Variants in TNR observed in about 807,000 individuals in gnomAD.
TNR encodes tenascin R.
TNR carries 45 observed loss-of-function variants against 150.4 expected under a neutral mutation model. The observed-to-expected ratio is 0.30, with a 90% CI of 0.24 to 0.38. TNR has a LOEUF of 0.38. Among genes scored for constraint, TNR ranks in the 10% least tolerant of loss-of-function variants. The pLI, the probability that TNR is intolerant of heterozygous loss-of-function variation, is 1.00. For missense variants in TNR, 1,544 were observed against 1,759.1 expected, an observed-to-expected ratio of 0.88 and a Z score of 2.19; for synonymous variants, 687 against 678.4, an observed-to-expected ratio of 1.01 and a Z score of -0.20.
At position 175,528,330 on chromosome 1, in the gene TNR, A is replaced by C. The variant is rs1659929549; in HGVS notation, c.-125T>G. The C allele has an allele frequency of 6.6e-6, 1 of 152,202 alleles. No individual in the cohort carries two copies. The highest frequency in any genetic ancestry group is 1.5e-5 in the Non-Finnish European group (1 of 68,032). 9.4% of individuals were successfully genotyped at this position (152,202 alleles called of 1,614,324 possible). A position where few individuals can be genotyped will look rare whatever the true frequency, so the allele number is the denominator to read the frequency against. On this transcript the variant is annotated 5_prime_UTR_variant, in exon 2 of 23. Coordinates refer to ENST00000367674, the MANE Select transcript of TNR (RefSeq NM_003285.3). Reference sequence around the variant, plus strand: ...GCACTTTCTTTAATCCTAATTCCAAAAGAGACCTGCCCTCTATGCAGTTAA... The same window carrying C: ...GCACTTTCTTTAATCCTAATTCCAACAGAGACCTGCCCTCTATGCAGTTAA...
At chr1:175,543,931 G>A (rs1014033601) in intron 1 of TNR, among the ~76,000 whole-genome samples, 1 of 152,078 alleles carries the variant, frequency 6.6e-6, no homozygotes, top group Non-Finnish European at 1.5e-5. Context: ...AAGAGCATTT[G>A]GGCAGAGAGA....
intron 1 of TNR, among the ~76,000 whole-genome samples, chr1:175,729,532 G>A (rs1044633296): frequency 6.6e-6 from 1 of 151,740 alleles, no homozygotes; most frequent in Non-Finnish European, 1.5e-5. Context: ...GGCCTCTAAC[G>A]ATCCCCTACC....
chr1:175,582,661 T>C (rs553388633), intron 1 of TNR, among the ~76,000 whole-genome samples: 1 of 152,316 alleles, frequency 6.6e-6, no homozygotes, highest in South Asian at 2.1e-4. Flanking sequence ...AGTATCAGTG[T>C]TCTTGCCTGG....
chr1:175,525,573 G>A (rs538659400), intron 2 of TNR, among the ~76,000 whole-genome samples: 1 of 152,220 alleles, frequency 6.6e-6, no homozygotes, highest in Non-Finnish European at 1.5e-5. Context: ...TCTGGGGTGA[G>A]TTTTGGACTG....
intron 2 of TNR, among the ~76,000 whole-genome samples, chr1:175,473,220 T>C (rs77285782): frequency 0.018 from 2,777 of 152,272 alleles, 38 homozygotes; most frequent in South Asian, 0.039. Flanking sequence ...GCACAAGATC[T>C]CTTCATACAG....
intron 21 of TNR, among the ~76,000 whole-genome samples, chr1:175,327,561 A>G (rs1489110813): frequency 6.6e-6 from 1 of 152,026 alleles, no homozygotes; most frequent in African/African-American, 2.4e-5. Flanking sequence ...TTAAGACTGA[A>G]TTCCTCTGCC....
At chr1:175,593,046 C>A (rs1290179138) in intron 1 of TNR, among the ~76,000 whole-genome samples, 1 of 152,148 alleles carries the variant, frequency 6.6e-6, no homozygotes, top group East Asian at 1.9e-4. Context: ...CATTGCATCT[C>A]TGACTGGGGG....
intron 5 of TNR, among the ~76,000 whole-genome samples, chr1:175,394,379 C>G (rs1026388969): frequency 2.0e-5 from 3 of 152,168 alleles, no homozygotes; most frequent in Admixed American, 2.0e-4. Flanking sequence ...AGTTGTGGAG[C>G]AAACCAGTTT....
chr1:175,531,026 T>A (rs1265871226), intron 1 of TNR, among the ~76,000 whole-genome samples: 1 of 152,140 alleles, frequency 6.6e-6, no homozygotes, highest in Non-Finnish European at 1.5e-5. Context: ...GAGAGGGACA[T>A]GGGAACTTGT....
intron 1 of TNR, among the ~76,000 whole-genome samples, chr1:175,670,099 C>T (rs182540675): frequency 2.9e-4 from 44 of 152,332 alleles, no homozygotes; most frequent in African/African-American, 1.0e-3. Flanking sequence ...CAGGAACAGG[C>T]CACTTTGAGT....
chr1:175,656,657 A>G (rs1435651194), intron 1 of TNR: 1 of 152,430 alleles, frequency 6.6e-6, no homozygotes, highest in Non-Finnish European at 1.5e-5. Flanking sequence ...TGCCTGTAGT[A>G]TGACAGCTCA....
At chr1:175,548,128 C>A (rs746508553) in intron 1 of TNR, among the ~76,000 whole-genome samples, 4 of 152,178 alleles carry the variant, frequency 2.6e-5, no homozygotes, top group Non-Finnish European at 5.9e-5. Flanking sequence ...GACCATGCAT[C>A]TGGCACAACT....
At chr1:175,417,738 G>A (rs896186132) in intron 2 of TNR, among the ~76,000 whole-genome samples, 2 of 151,936 alleles carry the variant, frequency 1.3e-5, no homozygotes, top group African/African-American at 4.8e-5. Context: ...CAGAATACCA[G>A]ATAAATTTAT....
chr1:175,425,745 A>AT (rs905236232), intron 2 of TNR, among the ~76,000 whole-genome samples: 41 of 151,090 alleles, frequency 2.7e-4, no homozygotes, highest in South Asian at 6.3e-4. Flanking sequence ...AAAGAGTAGC[A>AT]TTTTTTTTTC....
chr1:175,336,885 G>A (rs1439695616), intron 19 of TNR, among the ~76,000 whole-genome samples: 2 of 152,148 alleles, frequency 1.3e-5, no homozygotes, highest in African/African-American at 4.8e-5. Flanking sequence ...TCAACTGCCT[G>A]TTTGTTTGCT....
intron 1 of TNR, among the ~76,000 whole-genome samples, chr1:175,650,850 T>TCCTCCTCCCC (rs1664951066): frequency 1.9e-5 from 1 of 52,740 alleles, no homozygotes; most frequent in Non-Finnish European, 3.6e-5. Flanking sequence ...ACCTCATTAC[T>TCCTCCTCCCC]ACCCATCTCC....
intron 2 of TNR, among the ~76,000 whole-genome samples, chr1:175,484,385 G>A (rs1657925145): frequency 6.6e-6 from 1 of 151,916 alleles, no homozygotes; most frequent in Non-Finnish European, 1.5e-5. Flanking sequence ...CATGTATTAT[G>A]TTCCAGTTCT....
intron 1 of TNR, among the ~76,000 whole-genome samples, chr1:175,575,604 GGA>G (rs917897629): frequency 6.6e-6 from 1 of 152,074 alleles, no homozygotes; most frequent in Admixed American, 6.6e-5. Context: ...AGAACTCAAA[GGA>G]GAGAGAGAGA....
At chr1:175,556,020 T>G (rs1019071705) in intron 1 of TNR, among the ~76,000 whole-genome samples, 1 of 152,260 alleles carries the variant, frequency 6.6e-6, no homozygotes, top group South Asian at 2.1e-4. Context: ...TATAGAATAA[T>G]CATGTAGAAA....
Sources: gnomAD v4.1 joint callset for allele counts (sites outside exome capture counted in the v4.1 genomes callset) on GRCh38, gnomAD v4.1.1 for gene constraint, MANE v1.5 for transcripts, NCBI Gene and HGNC (gene_info 2026-07-23, HGNC 2026-07-21) for gene names.